The following CLCN2 variants were observed in gnomAD, a reference collection of about 807,000 sequenced individuals.
The protein encoded by CLCN2 is chloride channel protein 2.
In CLCN2, 72 loss-of-function variants were observed where a neutral mutation model predicts 108.3. That is an observed-to-expected ratio of 0.66 (90% CI 0.55 to 0.81). CLCN2 has a LOEUF of 0.81. Ranked by LOEUF, CLCN2 falls within the 30% of genes least tolerant of loss-of-function variation. The pLI, the probability that CLCN2 is intolerant of heterozygous loss-of-function variation, is 0.00. For synonymous variants in CLCN2, 471 were observed against 467.1 expected, an observed-to-expected ratio of 1.01 and a Z score of -0.11; for missense variants, 1,048 against 1,205.2, an observed-to-expected ratio of 0.87 and a Z score of 1.93.
At chr3:184,351,345 G>A (rs997023274) in intron 22 of CLCN2, among the ~76,000 whole-genome samples, 5 of 152,174 alleles carry the variant, frequency 3.3e-5, no homozygotes, top group African/African-American at 1.2e-4. Flanking sequence ...CCCCTTAGGA[G>A]TCCTGGACGC....
At position 184,352,296 on chromosome 3, in the gene CLCN2, T is replaced by C. The variant is rs1432291921; in HGVS notation, c.2307A>G (p.Glu769=). 1.2e-6 allele frequency: 2 copies of C among 1,613,374 alleles called. No individual in the cohort carries two copies. The highest frequency in any genetic ancestry group is 1.7e-6 in the Non-Finnish European group (2 of 1,180,020). Residue 769 remains glutamate (E), a synonymous_variant, in exon 21 of 24, where the codon GAA becomes GAG. Coordinates refer to ENST00000265593, the MANE Select transcript of CLCN2 (RefSeq NM_004366.6). ...CCAGAGTCCAGTGGCACCTTACCTC[T>C]TCAGGGCTCATCTCGCCTTCCAGGT... ...DADLEGEMSP[E]EILEWEEQQL...
chr3:184,353,170 G>C (rs775864618), intron 17 of CLCN2, 23 bp from the exon 18 acceptor site: 18 of 1,612,862 alleles, frequency 1.1e-5, no homozygotes, highest in Admixed American at 1.7e-5. Context: ...GAAGGGGCTG[G>C]TGAGGCCACG....
rs1461164794 is a variant in CLCN2 at position 184,355,605 on chromosome 3, A to C, written c.1171-76T>G. The stretch of plus-strand genomic sequence containing the variant: ...GAGGCCATGGGATCCCACGGGGAAC[A>C]AGGGGTCCCACAGTCACACTGGGGC... On this transcript the variant is annotated intron_variant, in intron 11 of 23. Coordinates refer to ENST00000265593, the MANE Select transcript of CLCN2 (RefSeq NM_004366.6). The surrounding 1 kb of genome is among the most constrained non-coding windows in gnomAD (Gnocchi z 6.3). 1 of 1,602,724 alleles carries C rather than the reference A, an allele frequency of 6.2e-7. No individual in the cohort carries two copies. Among genetic ancestry groups the C allele is most frequent in the Non-Finnish European group, 8.5e-7 (1 of 1,169,802 alleles).
chr3:184,352,445 C>A lies in CLCN2; in HGVS notation c.2269G>T (p.Ala757Ser), dbSNP rs1160685900. ...RKLKRVRISL[A>S]SDADLEGEMS... ...GCTAGAAGAGCAGGCATACTTACTG[C>A]CAGGGAGATTCGGACACGCTTCAGC... Residue 757 changes from alanine to serine, a missense_variant and splice_region_variant, in exon 20 of 24, where the codon GCA (alanine) becomes TCA (serine). Transcript: ENST00000265593. 6.2e-7 allele frequency: 1 copy of A among 1,613,170 alleles called. No homozygotes were observed. Among genetic ancestry groups the A allele is most frequent in the African/African-American group, 1.3e-5 (1 of 74,918 alleles).
chr3:184,356,058 G>A (rs1452160890), intron 10 of CLCN2: 1 of 457,478 alleles, frequency 2.2e-6, no homozygotes, highest in African/African-American at 2.0e-5. Flanking sequence ...CTCCCTTGGG[G>A]CCCTCCGAGT....
In CLCN2 at chr3:184,355,905, C is replaced by T; in HGVS notation, c.1086-127G>A. The stretch of plus-strand genomic sequence containing the variant: ...AACACTCAGTCCTGACAGAAGGTCT[C>T]CTTTGCTGTTTATGATACGATAGCC... On this transcript the variant is annotated intron_variant, in intron 10 of 23. Coordinates refer to ENST00000265593, the MANE Select transcript of CLCN2 (RefSeq NM_004366.6). The surrounding 1 kb of genome is among the most constrained non-coding windows in gnomAD (Gnocchi z 6.3). 5 of 781,782 alleles carry T rather than the reference C, an allele frequency of 6.4e-6. No homozygotes were observed. The East Asian group carries it at 1.3e-4, about 21-fold the overall frequency. 48.4% of individuals were successfully genotyped at this position (781,782 alleles called of 1,614,324 possible). A position where few individuals can be genotyped will look rare whatever the true frequency, so the allele number is the denominator to read the frequency against.
At chr3:184,347,582 G>T (rs78331552) in intron 22 of CLCN2, 8,670 of 180,676 alleles carry the variant, frequency 0.048, 328 homozygotes, top group Middle Eastern at 0.15. Context: ...GACCTTAAGG[G>T]CACTTGGGCC....
Position 184,357,359 on chromosome 3 carries a change from C to A in CLCN2, c.898+3G>T. The A allele has an allele frequency of 6.2e-7, 1 of 1,614,070 alleles. No individual in the cohort carries two copies. Among genetic ancestry groups the A allele is most frequent in the Non-Finnish European group, 8.5e-7 (1 of 1,180,026 alleles). On this transcript the variant is annotated splice_donor_region_variant and intron_variant, in intron 8 of 23. Coordinates refer to ENST00000265593, the MANE Select transcript of CLCN2 (RefSeq NM_004366.6). ...GCTGCCCTCATCCCCTGGGTGCCCC[C>A]ACCTTCATCCCGGTTCCAGACTGCC...
rs757441354 is a variant in CLCN2 at position 184,355,005 on chromosome 3, G to A, written c.1327-32C>T. 1 of 1,601,122 alleles carries A rather than the reference G, an allele frequency of 6.2e-7. No individual in the cohort carries two copies. The highest frequency in any genetic ancestry group is 2.2e-5 in the East Asian group (1 of 44,772). On this transcript the variant is annotated intron_variant, in intron 12 of 23. Transcript: ENST00000265593. The surrounding 1 kb of genome is among the most constrained non-coding windows in gnomAD (Gnocchi z 6.3). ...GCAGGGGGTGGTTCAAAGGCGAAGA[G>A]GCTCCACCTGGCCCCAGGCAGCCCA...
chr3:184,355,837 T>C lies in CLCN2; in HGVS notation c.1086-59A>G, dbSNP rs570545015. 2.9e-6 allele frequency: 4 copies of C among 1,384,274 alleles called. No homozygotes were observed. In the South Asian group the frequency reaches 3.6e-5, roughly 12 times the overall value. 85.7% of individuals were successfully genotyped at this position (1,384,274 alleles called of 1,614,324 possible). ...GCCAAGGGCTGGGTGGCCTCGCATA[T>C]CTCAGGGCTGAGGTCAGAGCAGAGC... On this transcript the variant is annotated intron_variant, in intron 10 of 23. Transcript: ENST00000265593. This position sits in a 1 kb window ranked among gnomAD's most constrained non-coding sequence, Gnocchi z 6.3.
In CLCN2 at chr3:184,358,012, C is replaced by T; in HGVS notation, c.565G>A (p.Val189Ile). Reference protein sequence around the residue: ...YLTLKTFIAKVIGLTCALGSG... With the variant: ...YLTLKTFIAKIIGLTCALGSG... Reference sequence around the variant, plus strand: ...CCTAGGGCGCAGGTCAGCCCAATGACCTTAGCTATAAAGGTCTTGAGTGTG... The same window carrying T: ...CCTAGGGCGCAGGTCAGCCCAATGATCTTAGCTATAAAGGTCTTGAGTGTG... The change falls in exon 5 of 24, where the codon GTC (valine) becomes ATC (isoleucine). Residue 189 changes from valine to isoleucine, a missense_variant. Physicochemically the swap from Val to Ile is conservative, Grantham distance 29. Transcript: ENST00000265593. 6.2e-7 allele frequency: 1 copy of T among 1,614,108 alleles called. No individual in the cohort carries two copies. The highest frequency in any genetic ancestry group is 8.5e-7 in the Non-Finnish European group (1 of 1,180,050).
chr3:184,354,311 G>T lies in CLCN2; in HGVS notation c.1511C>A (p.Ala504Glu), dbSNP rs2108565887. The change falls in exon 15 of 24, where the codon GCA becomes GAA. Residue 504 changes from alanine (A) to glutamate (E), a missense_variant. Ala to Glu is a moderately radical substitution (Grantham distance 107, BLOSUM62 -1). Coordinates refer to ENST00000265593, the MANE Select transcript of CLCN2 (RefSeq NM_004366.6). ...IVPGGYAVVG[A>E]AALAGAVTHT... ...TGTCACCGCTCCTGCCAGCGCAGCT[G>T]CCCCTGGGGACAGTCACACTCAGTC... 6.2e-7 allele frequency: 1 copy of T among 1,612,958 alleles called. No individual in the cohort carries two copies. The highest frequency in any genetic ancestry group is 2.2e-5 in the East Asian group (1 of 44,858).
rs1250980305 is a variant in CLCN2, at chr3:184,353,124, G to T, written c.2052C>A (p.Phe684Leu). Residue 684 changes from phenylalanine (F) to leucine (L), a missense_variant, in exon 18 of 24, where the codon TTC (phenylalanine) becomes TTA (leucine). Transcript: ENST00000265593. ...TGTGGGTCTCCCCCCGGGCTGCTGG[G>T]AAGGCTGAGTCTTCTGTGTTCACCT... ...CFQVNTEDSA[F>L]PAARGETHKP... 5.0e-6 allele frequency: 8 copies of T among 1,614,196 alleles called. No individual in the cohort carries two copies. Among genetic ancestry groups the T allele is most frequent in the Non-Finnish European group, 6.8e-6 (8 of 1,180,024 alleles).
chr3:184,360,940 A>C (rs1347204107), intron 1 of CLCN2, among the ~76,000 whole-genome samples: 1 of 152,220 alleles, frequency 6.6e-6, no homozygotes, highest in Admixed American at 6.5e-5. Flanking sequence ...CTGGGTGTGG[A>C]GCCTCCAGAG....
In CLCN2 at chr3:184,357,653, CCACGG is replaced by C; in HGVS notation, c.734_738del (p.Ala245GlyfsTer53). 6.2e-7 allele frequency: 1 copy of C among 1,614,004 alleles called. No homozygotes were observed. Among genetic ancestry groups the C allele is most frequent in the Non-Finnish European group, 8.5e-7 (1 of 1,180,032 alleles). On this transcript the variant is annotated frameshift_variant, in exon 7 of 24. Transcript: ENST00000265593. LOFTEE classifies it high-confidence loss of function. The stretch of plus-strand genomic sequence containing the variant: ...GGTGCCGCGAAGCAGCAGCCCACCC[CCACGG>C]CACAGGCGGCAGCCAGCATCTCTGT...
rs1340173349 is a variant in CLCN2, at chr3:184,358,187, G to A, written c.476C>T (p.Ala159Val). The A allele has an allele frequency of 6.2e-7, 1 of 1,614,178 alleles. No homozygotes were observed. Among genetic ancestry groups the A allele is most frequent in the East Asian group, 2.2e-5 (1 of 44,884 alleles). Residue 159 changes from alanine (A) to valine (V), a missense_variant, in exon 4 of 24, where the codon GCT becomes GTT. Physicochemically the swap from Ala to Val is moderately conservative, Grantham distance 64 (BLOSUM62 0). Coordinates refer to ENST00000265593, the MANE Select transcript of CLCN2 (RefSeq NM_004366.6). ...CCCCTTCTCTTCTAACATACCGACA[G>A]CCTGAGGGGCCAGGATCTGTGTGAA... The part of the protein sequence containing the change: ...AGFTQILAPQ[A>V]VGSGIPEMKT...
chr3:184,356,953 C>A, intron 10 of CLCN2, 40 bp downstream of exon 10: 1 of 1,472,022 alleles, frequency 6.8e-7, no homozygotes, highest in African/African-American at 1.4e-5. Context: ...GGCCCTTATA[C>A]AACTCAAAGC....
At position 184,355,907 on chromosome 3, in the gene CLCN2, T is replaced by C. The variant is rs1211617319; in HGVS notation, c.1086-129A>G. 1 of 778,006 alleles carries C rather than the reference T, an allele frequency of 1.3e-6. No homozygotes were observed. The highest frequency in any genetic ancestry group is 2.2e-6 in the Non-Finnish European group (1 of 445,426). The allele number at this position is 778,006 out of a possible 1,614,324, so 48.2% of individuals were successfully genotyped here. A position where few individuals can be genotyped will look rare whatever the true frequency, so the allele number is the denominator to read the frequency against. On this transcript the variant is annotated intron_variant, in intron 10 of 23. Transcript: ENST00000265593. The surrounding 1 kb of genome is among the most constrained non-coding windows in gnomAD (Gnocchi z 6.3). ...CACTCAGTCCTGACAGAAGGTCTCC[T>C]TTGCTGTTTATGATACGATAGCCCC...
intron 1 of CLCN2, among the ~76,000 whole-genome samples, chr3:184,360,191 G>C (rs1203927307): frequency 1.3e-5 from 2 of 152,006 alleles, no homozygotes; most frequent in Non-Finnish European, 2.9e-5. Flanking sequence ...AGGCAAGCAC[G>C]GTGTAGGAGG....
Sources: gnomAD v4.1 joint callset for allele counts (sites outside exome capture counted in the v4.1 genomes callset) on GRCh38, gnomAD v4.1.1 for gene constraint, Gnocchi (gnomAD v3.1) non-coding constraint, MANE v1.5 for transcripts, NCBI Gene and HGNC (gene_info 2026-07-23, HGNC 2026-07-21) for gene names.